The following SNIP1 variants were observed in gnomAD, a reference collection of about 807,000 sequenced individuals.
SNIP1 encodes smad nuclear-interacting protein 1.
Under a neutral mutation model 37.4 loss-of-function variants are expected in SNIP1, and 23 were observed. That is an observed-to-expected ratio of 0.61 (90% CI 0.44 to 0.87). The LOEUF (loss-of-function observed/expected upper bound fraction) is 0.87, where lower values mean the gene tolerates loss of function less well. Among genes scored for constraint, SNIP1 ranks in the 40% least tolerant of loss-of-function variants. The pLI is 0.00. For missense variants in SNIP1, 459 were observed against 540.4 expected (o/e 0.85, Z 1.49); for synonymous variants, 174 against 200.0 (o/e 0.87, Z 1.10).
In SNIP1 at chr1:37,538,695, TC is replaced by T. The variant is rs1291092638; in HGVS notation, c.927-684del. On this transcript the variant is annotated intron_variant, in intron 3 of 3. Coordinates refer to ENST00000296215, the MANE Select transcript of SNIP1 (RefSeq NM_024700.4). ...ATATTTCAATATATTTTAGTTCCTG[TC>T]CAAATGGGAAAAAACAGTGCACTTG... 3.3e-5 allele frequency among the ~76,000 whole-genome samples: 5 copies of T among 152,020 alleles called. No homozygotes were observed. In the East Asian group the frequency reaches 9.6e-4, roughly 29 times the overall value.
At chr1:37,544,461 A>AG (rs965471742) in intron 2 of SNIP1, among the ~76,000 whole-genome samples, 5 of 151,752 alleles carry the variant, frequency 3.3e-5, no homozygotes, top group African/African-American at 4.8e-5. Context: ...AAAAAAAAAA[A>AG]AAAAGAAAGA....
chr1:37,544,081 T>C lies in SNIP1; in HGVS notation c.328-3326A>G, dbSNP rs1438082099. ...AATCACTTGAACCCAGAAGTGGAGG[T>C]TGCAGTGAACAGAGATGGAGCCACT... On this transcript the variant is annotated intron_variant, in intron 2 of 3. Transcript: ENST00000296215. Among the ~76,000 whole-genome samples, 5 of 141,840 alleles carry C rather than the reference T, an allele frequency of 3.5e-5. No individual in the cohort carries two copies. In the East Asian group the frequency reaches 6.3e-4, roughly 18 times the overall value. 93.1% of individuals were successfully genotyped at this position (141,840 alleles called of 152,430 possible).
chr1:37,540,499 A>C lies in SNIP1; in HGVS notation c.584T>G (p.Val195Gly), dbSNP rs113100619. The C allele has an allele frequency of 1.5e-4, 247 of 1,613,752 alleles. 1 individual carries two copies. The highest frequency in any genetic ancestry group is 1.9e-4 in the Non-Finnish European group (225 of 1,179,946). ...RRREHRQRND[V>G]GGGGSESQEL... ...CTGAGACTCACTGCCGCCACCACCAACGTCATTCCTCTGGCGATGCTCCCG... is the reference window on the plus strand; with the variant it reads ...CTGAGACTCACTGCCGCCACCACCACCGTCATTCCTCTGGCGATGCTCCCG... Residue 195 changes from valine (V) to glycine (G), a missense_variant, in exon 3 of 4, where the codon GTT becomes GGT. By Grantham distance (109) the Val-to-Gly change is moderately radical (BLOSUM62 -3). Coordinates refer to ENST00000296215, the MANE Select transcript of SNIP1 (RefSeq NM_024700.4). The surrounding 1 kb of genome is among the most constrained non-coding windows in gnomAD (Gnocchi z 5.6).
chr1:37,538,096 T>C, intron 3 of SNIP1, 84 bp from the exon 4 acceptor site: 1 of 1,435,772 alleles, frequency 7.0e-7, no homozygotes, highest in Non-Finnish European at 9.3e-7. Context: ...TAAGATAGCC[T>C]AGATGACGTA....
intron 2 of SNIP1, among the ~76,000 whole-genome samples, chr1:37,552,312 G>A (rs1204466843): frequency 6.6e-6 from 1 of 152,178 alleles, no homozygotes; most frequent in Non-Finnish European, 1.5e-5. Context: ...CTATATCGAT[G>A]TCAATATTCT....
At chr1:37,545,792 C>T (rs567111906) in intron 2 of SNIP1, among the ~76,000 whole-genome samples, 3 of 151,838 alleles carry the variant, frequency 2.0e-5, no homozygotes, top group South Asian at 2.1e-4. Flanking sequence ...ACCCACCCGC[C>T]GCCCTCTCTA....
chr1:37,552,795 C>T (rs2148118279), intron 1 of SNIP1, 48 bp from the exon 2 acceptor site: 3 of 1,508,806 alleles, frequency 2.0e-6, no homozygotes, highest in Non-Finnish European at 2.8e-6. Flanking sequence ...TCCCTTCCCC[C>T]ATAAAAATTA....
At chr1:37,538,096 T>G (rs1393667817) in intron 3 of SNIP1, 84 bp from the exon 4 acceptor site, 2 of 1,435,654 alleles carry the variant, frequency 1.4e-6, no homozygotes, top group African/African-American at 2.9e-5. Flanking sequence ...TAAGATAGCC[T>G]AGATGACGTA....
rs1262235626 is a variant in SNIP1, at chr1:37,540,799, C to G, written c.328-44G>C. 4 of 1,497,220 alleles carry G rather than the reference C, an allele frequency of 2.7e-6. No homozygotes were observed. The Admixed American group carries it at 6.5e-5, about 24-fold the overall frequency. The allele number at this position is 1,497,220 out of a possible 1,614,324, so 92.7% of individuals were successfully genotyped here. On this transcript the variant is annotated intron_variant, in intron 2 of 3. Transcript: ENST00000296215. This position sits in a 1 kb window ranked among gnomAD's most constrained non-coding sequence, Gnocchi z 5.6. The stretch of plus-strand genomic sequence containing the variant: ...CTGTAATTTAAACGCAGTGCACAAT[C>G]TAAAGGCAGCCCAAATCTTGTTCTT...
At chr1:37,546,880 A>G (rs2148115704) in intron 2 of SNIP1, among the ~76,000 whole-genome samples, 1 of 152,284 alleles carries the variant, frequency 6.6e-6, no homozygotes. Context: ...TATCAGCAGC[A>G]TCTAACAGAG....
At chr1:37,544,038 G>A (rs1443916145) in intron 2 of SNIP1, among the ~76,000 whole-genome samples, 4 of 151,958 alleles carry the variant, frequency 2.6e-5, no homozygotes, top group Admixed American at 1.3e-4. Context: ...CCAGCTACTC[G>A]GGAGGCTGAG....
At chr1:37,550,427 G>T (rs1413027809) in intron 2 of SNIP1, among the ~76,000 whole-genome samples, 2 of 152,202 alleles carry the variant, frequency 1.3e-5, no homozygotes, top group Non-Finnish European at 2.9e-5. Flanking sequence ...AAAGATAGCT[G>T]GGCATGGTGG....
chr1:37,553,006 T>G (rs1388220650), intron 1 of SNIP1, among the ~76,000 whole-genome samples: 1 of 152,168 alleles, frequency 6.6e-6, no homozygotes, highest in Non-Finnish European at 1.5e-5. Flanking sequence ...AAACCTTTCC[T>G]CTCCTACTCC....
chr1:37,552,745 G>T lies in SNIP1; in HGVS notation c.227C>A (p.Ser76Tyr). 1 of 1,612,440 alleles carries T rather than the reference G, an allele frequency of 6.2e-7. No homozygotes were observed. Among genetic ancestry groups the T allele is most frequent in the Non-Finnish European group, 8.5e-7 (1 of 1,178,490 alleles). The stretch of plus-strand genomic sequence containing the variant: ...GGCCTTGTTTTTCTTTTTGGGTGGG[G>T]ACCTATTCAGAGCATGGTACACAGG... ...RGNRARGVSR[S>Y]PPKKKNKASG... Residue 76 changes from serine to tyrosine, a missense_variant and splice_region_variant, in exon 2 of 4, where the codon TCC (serine) becomes TAC (tyrosine). Ser to Tyr is a moderately radical substitution (Grantham distance 144, BLOSUM62 -2). Coordinates refer to ENST00000296215, the MANE Select transcript of SNIP1 (RefSeq NM_024700.4).
rs758692166 is a variant in SNIP1, at chr1:37,537,775, CTCCTCA to C, written c.1158_1163del (p.Asp386_Glu387del). 6 of 1,613,890 alleles carry C rather than the reference CTCCTCA, an allele frequency of 3.7e-6. No homozygotes were observed. The highest frequency in any genetic ancestry group is 2.7e-5 in the African/African-American group (2 of 74,932). On this transcript the variant is annotated inframe_deletion, in exon 4 of 4. Coordinates refer to ENST00000296215, the MANE Select transcript of SNIP1 (RefSeq NM_024700.4). ...AGCTGTCAGACACTTCTTCCTCCTC[CTCCTCA>C]TCCTCGTCATCTTTCCTGTCTATTT...
intron 2 of SNIP1, among the ~76,000 whole-genome samples, chr1:37,544,394 C>T (rs1476606810): frequency 4.2e-5 from 6 of 141,880 alleles, no homozygotes; most frequent in Admixed American, 1.5e-4. Context: ...TGCAGTGAGC[C>T]GAGATCACGC....
At chr1:37,545,765 C>A (rs948679144) in intron 2 of SNIP1, among the ~76,000 whole-genome samples, 7 of 152,002 alleles carry the variant, frequency 4.6e-5, no homozygotes, top group Non-Finnish European at 4.4e-5. Context: ...CGAGACCAGC[C>A]TGGGTAACAT....
In SNIP1 at chr1:37,552,732, C is replaced by A; in HGVS notation, c.240G>T (p.Lys80Asn). ...TTCTTCTCCCTGAGGCCTTGTTTTT[C>A]TTTTTGGGTGGGGACCTATTCAGAG... is the stretch of plus-strand genomic sequence containing the variant. ...ARGVSRSPPK[K>N]KNKASGRRSK... Residue 80 changes from lysine (K) to asparagine (N), a missense_variant, in exon 2 of 4, where the codon AAG becomes AAT. By Grantham distance (94) the Lys-to-Asn change is moderately conservative (BLOSUM62 0). Coordinates refer to ENST00000296215, the MANE Select transcript of SNIP1 (RefSeq NM_024700.4). The A allele has an allele frequency of 1.9e-6, 3 of 1,614,140 alleles. No individual in the cohort carries two copies. Among genetic ancestry groups the A allele is most frequent in the Non-Finnish European group, 2.5e-6 (3 of 1,179,986 alleles).
At chr1:37,549,108 A>AC (rs1364131651) in intron 2 of SNIP1, 2 of 152,112 alleles carry the variant, frequency 1.3e-5, no homozygotes, top group Non-Finnish European at 2.9e-5. Context: ...AAAAAAAAAA[A>AC]AAAACTAGAA....
Sources: allele counts gnomAD v4.1 joint callset (sites outside exome capture counted in the v4.1 genomes callset), GRCh38; gene constraint gnomAD v4.1.1; non-coding constraint Gnocchi (gnomAD v3.1); transcripts MANE v1.5; gene names NCBI Gene and HGNC (gene_info 2026-07-23, HGNC 2026-07-21).